PHF2: variants seen among roughly 807,000 people sequenced by gnomAD.
PHF2 encodes lysine-specific demethylase PHF2.
In PHF2, 27 loss-of-function variants were observed where a neutral mutation model predicts 120.5. The ratio of observed to expected loss-of-function variants is 0.22; its 90% CI spans 0.17 to 0.31. PHF2 has a LOEUF of 0.31. PHF2 is among the 10% of genes least tolerant of loss of function. PHF2 has a pLI of 1.00. For missense variants in PHF2, 1,024 were observed against 1,434.8 expected (o/e 0.71, Z 4.63); for synonymous variants, 568 against 592.5 (o/e 0.96, Z 0.60).
At chr9:93,606,790 G>C (rs1256638435) in intron 1 of PHF2, among the ~76,000 whole-genome samples, 1 of 152,190 alleles carries the variant, frequency 6.6e-6, no homozygotes, top group Non-Finnish European at 1.5e-5. Flanking sequence ...AGGCCATCTA[G>C]ATTTTCTCCT....
At chr9:93,614,297 C>G (rs969161292) in intron 1 of PHF2, among the ~76,000 whole-genome samples, 8 of 152,222 alleles carry the variant, frequency 5.3e-5, no homozygotes, top group African/African-American at 1.9e-4. Flanking sequence ...AGCAGTGTCC[C>G]TGGGGCAGAC....
At chr9:93,676,453 G>A (rs1414678257) in intron 20 of PHF2, 141 bp from the exon 21 acceptor site, 128 of 945,006 alleles carry the variant, frequency 1.4e-4, no homozygotes, top group Non-Finnish European at 7.4e-5. Flanking sequence ...TGCCCCTGGC[G>A]GCCCAGAGTC....
At position 93,617,147 on chromosome 9, in the gene PHF2, G is replaced by A. The variant is rs576254609; in HGVS notation, c.99-12823G>A. Among the ~76,000 whole-genome samples the A allele has an allele frequency of 2.0e-5, 3 of 152,312 alleles. No homozygotes were observed. The East Asian group carries it at 5.8e-4, about 29-fold the overall frequency. On this transcript the variant is annotated intron_variant, in intron 1 of 21. Transcript: ENST00000359246. ...AGCCAGGGGCCAGGGCCAGGTGTCG[G>A]TCATTCCTGGCTGGGCTTCTGTGCT...
At chr9:93,608,058 G>A (rs1299807263) in intron 1 of PHF2, among the ~76,000 whole-genome samples, 8 of 151,766 alleles carry the variant, frequency 5.3e-5, no homozygotes, top group Admixed American at 4.6e-4. Context: ...GAAGAAAGAT[G>A]TATTATTAAT....
Position 93,677,723 on chromosome 9 carries a change from C to A in PHF2, c.*47C>A. On this transcript the variant is annotated 3_prime_UTR_variant, in exon 22 of 22. Coordinates refer to ENST00000359246, the MANE Select transcript of PHF2 (RefSeq NM_005392.4). The surrounding 1 kb of genome is among the most constrained non-coding windows in gnomAD (Gnocchi z 4.4). ...TCTGCTCCGCTCAGGACCCCCGGAGCCCCGCGAAAACATCTGCCTCCCAGG... is the reference window on the plus strand; with the variant it reads ...TCTGCTCCGCTCAGGACCCCCGGAGACCCGCGAAAACATCTGCCTCCCAGG... 6.8e-7 allele frequency: 1 copy of A among 1,475,622 alleles called. No homozygotes were observed. Among genetic ancestry groups the A allele is most frequent in the Non-Finnish European group, 9.4e-7 (1 of 1,060,930 alleles). The allele number at this position is 1,475,622 out of a possible 1,614,324, so 91.4% of individuals were successfully genotyped here.
chr9:93,625,858 G>A (rs1222653389), intron 1 of PHF2, among the ~76,000 whole-genome samples: 1 of 152,014 alleles, frequency 6.6e-6, no homozygotes, highest in East Asian at 1.9e-4. Flanking sequence ...ATTTTCTGAG[G>A]AAACATCAAA....
chr9:93,607,963 G>GA (rs1825570698), intron 1 of PHF2, among the ~76,000 whole-genome samples: 45 of 145,900 alleles, frequency 3.1e-4, no homozygotes, highest in South Asian at 8.9e-4. Flanking sequence ...GAGAGAGAGA[G>GA]GGAAAGAGAT....
rs541399103 is a variant in PHF2 at position 93,677,893 on chromosome 9, A to C, written c.*217A>C. On this transcript the variant is annotated 3_prime_UTR_variant, in exon 22 of 22. Transcript: ENST00000359246. The surrounding 1 kb of genome is among the most constrained non-coding windows in gnomAD (Gnocchi z 4.4). ...GGACGTCTTTTCTCAAGTTGCTAAG[A>C]GTGATCTGTCCCAGAAAAGCGGCCC... 1 of 556,842 alleles carries C rather than the reference A, an allele frequency of 1.8e-6. No homozygotes were observed. Among genetic ancestry groups the C allele is most frequent in the East Asian group, 3.0e-5 (1 of 33,210 alleles). 34.5% of individuals were successfully genotyped at this position (556,842 alleles called of 1,614,324 possible).
At chr9:93,642,297 A>G (rs1166928237) in intron 3 of PHF2, among the ~76,000 whole-genome samples, 2 of 152,330 alleles carry the variant, frequency 1.3e-5, no homozygotes, top group East Asian at 1.9e-4. Flanking sequence ...TAGTTTGTCA[A>G]TTTCTGCAAA....
At position 93,676,736 on chromosome 9, in the gene PHF2, C is replaced by T. The variant is rs1170144150; in HGVS notation, c.2975C>T (p.Thr992Ile). The T allele has an allele frequency of 1.9e-6, 3 of 1,556,814 alleles. No homozygotes were observed. Among genetic ancestry groups the T allele is most frequent in the African/African-American group, 1.4e-5 (1 of 73,252 alleles). Residue 992 changes from threonine to isoleucine, a missense_variant, in exon 21 of 22, where the codon ACC (threonine) becomes ATC (isoleucine). Coordinates refer to ENST00000359246, the MANE Select transcript of PHF2 (RefSeq NM_005392.4). ...TPASTTPASTTPASTSTASSQ... is the reference protein window; with the variant it reads ...TPASTTPASTIPASTSTASSQ... ...GCCTCTACCACCCCGGCCTCCACCA[C>T]CCCGGCCTCCACCAGCACGGCCAGC... is the stretch of plus-strand genomic sequence containing the variant.
chr9:93,635,437 G>A (rs1371248784), intron 2 of PHF2, among the ~76,000 whole-genome samples: 1 of 152,194 alleles, frequency 6.6e-6, no homozygotes, highest in Non-Finnish European at 1.5e-5. Context: ...CTTGAATTCA[G>A]TCCCTTCACT....
intron 3 of PHF2, among the ~76,000 whole-genome samples, chr9:93,638,661 A>C (rs988597599): frequency 2.6e-5 from 4 of 152,236 alleles, no homozygotes; most frequent in African/African-American, 9.6e-5. Context: ...ACACAGTCTT[A>C]ATTACTATAG....
At chr9:93,651,039 G>A (rs532718684) in intron 5 of PHF2, among the ~76,000 whole-genome samples, 1 of 150,876 alleles carries the variant, frequency 6.6e-6, no homozygotes, top group East Asian at 1.9e-4. Flanking sequence ...ATCACTTGAG[G>A]CCAAGAGTTT....
Position 93,636,400 on chromosome 9 carries a change from C to T in PHF2, c.185-11C>T, listed in dbSNP as rs766373842. The T allele has an allele frequency of 5.0e-6, 8 of 1,594,398 alleles. No individual in the cohort carries two copies. In the Admixed American group the frequency reaches 1.4e-4, roughly 28 times the overall value. The stretch of plus-strand genomic sequence containing the variant: ...CTGTGTGACCGACCTTGCTTCCGGT[C>T]TCCTCCACAGTAAAGAAGAAGCGGA... On this transcript the variant is annotated splice_polypyrimidine_tract_variant and intron_variant, in intron 2 of 21. Transcript: ENST00000359246.
chr9:93,649,043 G>T, intron 4 of PHF2, 28 bp from the exon 5 acceptor site: 1 of 1,550,290 alleles, frequency 6.5e-7, no homozygotes, highest in Non-Finnish European at 8.7e-7. Context: ...TTCCCAGGGT[G>T]CTCAAGCTCC....
intron 1 of PHF2, among the ~76,000 whole-genome samples, chr9:93,624,799 CTGGTGA>C (rs746745744): frequency 4.1e-4 from 55 of 133,434 alleles, no homozygotes; most frequent in South Asian, 9.8e-4. Flanking sequence ...TGTGGCAGTG[CTGGTGA>C]TGGTGATGGT....
intron 17 of PHF2, among the ~76,000 whole-genome samples, chr9:93,672,048 G>A (rs56188181): frequency 7.0e-6 from 1 of 141,932 alleles, no homozygotes; most frequent in Non-Finnish European, 1.5e-5. Context: ...GTAGATGCAG[G>A]TGTGGGTGTG....
chr9:93,579,191 G>A (rs1862889684), intron 1 of PHF2, among the ~76,000 whole-genome samples: 1 of 152,128 alleles, frequency 6.6e-6, no homozygotes, highest in African/African-American at 2.4e-5. Context: ...AGACCCCGGG[G>A]TTTCTCCACC....
At position 93,652,963 on chromosome 9, in the gene PHF2, C is replaced by T. The variant is rs563201031; in HGVS notation, c.603-216C>T. Among the ~76,000 whole-genome samples the T allele has an allele frequency of 3.9e-5, 6 of 152,252 alleles. No homozygotes were observed. In the East Asian group the frequency reaches 9.7e-4, roughly 25 times the overall value. On this transcript the variant is annotated intron_variant, in intron 5 of 21. Coordinates refer to ENST00000359246, the MANE Select transcript of PHF2 (RefSeq NM_005392.4). The stretch of plus-strand genomic sequence containing the variant: ...ATTATCTTCTGGGGGTGGAGGCCAG[C>T]GTCAGACCCAGTCTCCTGCCAGGGC...
Sources: gnomAD v4.1 joint callset for allele counts (sites outside exome capture counted in the v4.1 genomes callset) on GRCh38, gnomAD v4.1.1 for gene constraint, Gnocchi (gnomAD v3.1) non-coding constraint, MANE v1.5 for transcripts, NCBI Gene and HGNC (gene_info 2026-07-23, HGNC 2026-07-21) for gene names.